EXOC4: variants seen among roughly 807,000 people sequenced by gnomAD.
EXOC4 encodes SEC8-like 1.
EXOC4 carries 71 observed loss-of-function variants against 107.2 expected under a neutral mutation model. That is an observed-to-expected ratio of 0.66 (90% CI 0.55 to 0.81). The LOEUF is 0.81. EXOC4 is among the 30% of genes least tolerant of loss of function. The pLI is 0.00. For missense variants in EXOC4, 1,108 were observed against 1,189.6 expected (o/e 0.93, Z 1.01); for synonymous variants, 456 against 441.2 (o/e 1.03, Z -0.42).
chr7:133,344,932 A>T (rs770290606), intron 5 of EXOC4, among the ~76,000 whole-genome samples: 20 of 152,056 alleles, frequency 1.3e-4, no homozygotes, highest in Middle Eastern at 3.4e-3. Flanking sequence ...TCTTTTTCTT[A>T]TTTTTATTTA....
At chr7:133,517,319 A>G (rs1011494950) in intron 9 of EXOC4, among the ~76,000 whole-genome samples, 5 of 152,184 alleles carry the variant, frequency 3.3e-5, no homozygotes, top group African/African-American at 9.7e-5. Context: ...ACCTGCTACT[A>G]TCAATTGTCT....
At chr7:133,739,849 G>A (rs1795527295) in intron 10 of EXOC4, among the ~76,000 whole-genome samples, 2 of 152,040 alleles carry the variant, frequency 1.3e-5, no homozygotes, top group South Asian at 4.1e-4. Context: ...CTGCAACCAG[G>A]GCTTTTTCCA....
At chr7:133,986,278 A>C (rs1244696837) in intron 14 of EXOC4, among the ~76,000 whole-genome samples, 1 of 152,258 alleles carries the variant, frequency 6.6e-6, no homozygotes, top group African/African-American at 2.4e-5. Flanking sequence ...TGCTTCTGAA[A>C]TAGGAAGCAA....
At chr7:133,306,971 G>A (rs1794766704) in intron 4 of EXOC4, among the ~76,000 whole-genome samples, 2 of 152,118 alleles carry the variant, frequency 1.3e-5, no homozygotes, top group African/African-American at 4.8e-5. Context: ...TTTAACATAT[G>A]TTAGATAGCT....
At chr7:133,538,005 A>G (rs1330923757) in intron 9 of EXOC4, among the ~76,000 whole-genome samples, 1 of 151,944 alleles carries the variant, frequency 6.6e-6, no homozygotes, top group Non-Finnish European at 1.5e-5. Context: ...TTTTTTTGGT[A>G]TACTTTCTTG....
intron 10 of EXOC4, among the ~76,000 whole-genome samples, chr7:133,653,224 A>T (rs1803205028): frequency 6.6e-6 from 1 of 152,210 alleles, no homozygotes; most frequent in Non-Finnish European, 1.5e-5. Flanking sequence ...TTATATTAGT[A>T]AGTAGATGCT....
At chr7:133,366,426 A>G (rs1796250397) in intron 6 of EXOC4, among the ~76,000 whole-genome samples, 1 of 152,200 alleles carries the variant, frequency 6.6e-6, no homozygotes, top group Admixed American at 6.5e-5. Flanking sequence ...TGTTTAAAGA[A>G]TAAACACTTT....
At chr7:133,872,952 C>T (rs74487613) in intron 11 of EXOC4, among the ~76,000 whole-genome samples, 79 of 152,324 alleles carry the variant, frequency 5.2e-4, no homozygotes, top group East Asian at 5.0e-3. Context: ...TGTTCTCCTC[C>T]GCAGTCTAGT....
At chr7:133,439,182 C>CTTT (rs35280420) in intron 7 of EXOC4, among the ~76,000 whole-genome samples, 4,141 of 94,030 alleles carry the variant, frequency 0.044, 352 homozygotes, top group Non-Finnish European at 0.05. Context: ...TTCATCAGTT[C>CTTT]TTTTTTTTTT....
At chr7:133,280,218 G>A (rs928280774) in intron 2 of EXOC4, among the ~76,000 whole-genome samples, 2 of 152,176 alleles carry the variant, frequency 1.3e-5, no homozygotes, top group Admixed American at 1.3e-4. Context: ...AAGTAATGTG[G>A]ACAATAAGCA....
chr7:133,293,450 CA>C (rs947602108), intron 3 of EXOC4, among the ~76,000 whole-genome samples: 40 of 152,310 alleles, frequency 2.6e-4, no homozygotes, highest in African/African-American at 9.1e-4. Flanking sequence ...TCTAGTCCTT[CA>C]AAACCCCCTG....
chr7:133,716,409 T>C (rs925965791), intron 10 of EXOC4, among the ~76,000 whole-genome samples: 1 of 152,146 alleles, frequency 6.6e-6, no homozygotes, highest in Admixed American at 6.5e-5. Context: ...TTTAGAAAAA[T>C]GTAAGAGCAA....
At chr7:133,881,223 A>C (rs899187083) in intron 11 of EXOC4, among the ~76,000 whole-genome samples, 2 of 151,994 alleles carry the variant, frequency 1.3e-5, no homozygotes, top group Non-Finnish European at 2.9e-5. Flanking sequence ...TTGGCTTCTG[A>C]CTGCCTCACT....
chr7:133,310,432 C>A (rs1295901167), intron 4 of EXOC4, among the ~76,000 whole-genome samples: 1 of 152,142 alleles, frequency 6.6e-6, no homozygotes, highest in Non-Finnish European at 1.5e-5. Context: ...CCTTCAAGGT[C>A]CTCTGCTGAT....
chr7:133,369,272 A>G (rs1043735578), intron 6 of EXOC4, among the ~76,000 whole-genome samples: 4 of 152,146 alleles, frequency 2.6e-5, no homozygotes, highest in African/African-American at 7.2e-5. Context: ...GCATCAGAGG[A>G]GCGTCGTCTT....
At chr7:133,689,423 G>A (rs570027621) in intron 10 of EXOC4, among the ~76,000 whole-genome samples, 22 of 152,278 alleles carry the variant, frequency 1.4e-4, no homozygotes, top group Non-Finnish European at 2.6e-4. Context: ...TTTCAACTGC[G>A]AATATGTCAA....
At chr7:134,040,108 A>C (rs1795480038) in intron 17 of EXOC4, among the ~76,000 whole-genome samples, 1 of 152,206 alleles carries the variant, frequency 6.6e-6, no homozygotes, top group African/African-American at 2.4e-5. Flanking sequence ...ATCTGGAATA[A>C]AGCGACAGTC....
At chr7:133,275,931 A>G (rs1043997909) in intron 2 of EXOC4, among the ~76,000 whole-genome samples, 8 of 152,022 alleles carry the variant, frequency 5.3e-5, no homozygotes, top group African/African-American at 1.9e-4. Flanking sequence ...TGAGTCTCCC[A>G]AAGTGCTGGG....
intron 10 of EXOC4, among the ~76,000 whole-genome samples, chr7:133,794,872 A>C (rs553216119): frequency 1.3e-5 from 2 of 151,828 alleles, no homozygotes; most frequent in Non-Finnish European, 2.9e-5. Context: ...TGCATGTGCC[A>C]TATTGGTGTG....
Sources: allele counts gnomAD v4.1 joint callset (sites outside exome capture counted in the v4.1 genomes callset), GRCh38; gene constraint gnomAD v4.1.1; transcripts MANE v1.5; gene names NCBI Gene and HGNC (gene_info 2026-07-23, HGNC 2026-07-21).